MAD1L1: variants seen among roughly 807,000 people sequenced by gnomAD.
MAD1L1 encodes the protein mitotic spindle assembly checkpoint protein MAD1.
Under a neutral mutation model 96.9 loss-of-function variants are expected in MAD1L1, and 95 were observed. The observed-to-expected ratio is 0.98, with a 90% CI of 0.83 to 1.16. MAD1L1 has a LOEUF of 1.16. Among genes scored for constraint, MAD1L1 ranks in the 50% most tolerant of loss-of-function variants. The pLI, the probability that MAD1L1 is intolerant of heterozygous loss-of-function variation, is 0.00. For synonymous variants in MAD1L1, 473 were observed against 396.6 expected (o/e 1.19, Z -2.29); for missense variants, 1,007 against 954.4 (o/e 1.06, Z -0.73).
At chr7:1,994,586 T>C (rs770731989) in intron 14 of MAD1L1, among the ~76,000 whole-genome samples, 1 of 152,096 alleles carries the variant, frequency 6.6e-6, no homozygotes, top group Non-Finnish European at 1.5e-5. Flanking sequence ...ATGGACTGTG[T>C]GCTCCCGCTC....
chr7:1,836,653 T>C (rs184052579), intron 18 of MAD1L1, among the ~76,000 whole-genome samples: 211 of 152,306 alleles, frequency 1.4e-3, no homozygotes, highest in Middle Eastern at 3.4e-3. Context: ...AAATGATCTA[T>C]AGAGTCAGCG....
chr7:2,223,586 C>T (rs1001152411), intron 4 of MAD1L1: 2 of 152,300 alleles, frequency 1.3e-5, no homozygotes, highest in Non-Finnish European at 2.9e-5. Flanking sequence ...GCCCAAAACC[C>T]AGGAGAGCTG....
intron 18 of MAD1L1, among the ~76,000 whole-genome samples, chr7:1,825,882 G>A (rs1782362436): frequency 6.6e-6 from 1 of 151,732 alleles, no homozygotes. Flanking sequence ...GCCCTGGGAT[G>A]AGCACAGTCC....
At chr7:2,056,790 C>G (rs1380047689) in intron 12 of MAD1L1, among the ~76,000 whole-genome samples, 1 of 152,234 alleles carries the variant, frequency 6.6e-6, no homozygotes, top group Non-Finnish European at 1.5e-5. Flanking sequence ...ACACAAGCGG[C>G]CGATCGCGGA....
chr7:1,980,558 G>C lies in MAD1L1; in HGVS notation c.1417-17C>G, dbSNP rs200492017. The C allele has an allele frequency of 2.1e-5, 34 of 1,602,678 alleles. 1 individual carries two copies. The Middle Eastern group carries it at 6.6e-4, about 31-fold the overall frequency. ...CATCTCCAGCTAGGAGAAAGCAAAG[G>C]ATAGAGGGTCAGCAGACACGAGCGC... On this transcript the variant is annotated splice_polypyrimidine_tract_variant and intron_variant, in intron 14 of 18. Coordinates refer to ENST00000265854, the MANE Select transcript of MAD1L1 (RefSeq NM_001013836.2).
At chr7:2,049,700 C>T (rs372485617) in intron 12 of MAD1L1, among the ~76,000 whole-genome samples, 4 of 152,218 alleles carry the variant, frequency 2.6e-5, no homozygotes, top group Admixed American at 1.3e-4. Context: ...TGGCCAGACT[C>T]GCTTCATCAG....
intron 16 of MAD1L1, among the ~76,000 whole-genome samples, chr7:1,947,310 C>T (rs762870912): frequency 2.6e-5 from 4 of 152,232 alleles, no homozygotes; most frequent in Admixed American, 6.5e-5. Flanking sequence ...GCGCCTGTCC[C>T]CGTGTGCCTG....
intron 10 of MAD1L1, among the ~76,000 whole-genome samples, chr7:2,172,396 G>A (rs771746320): frequency 6.6e-6 from 1 of 151,994 alleles, no homozygotes; most frequent in Non-Finnish European, 1.5e-5. Context: ...TGCAGGCCTC[G>A]ACTCCACACA....
At chr7:2,077,412 G>A (rs989158361) in intron 11 of MAD1L1, among the ~76,000 whole-genome samples, 28 of 152,258 alleles carry the variant, frequency 1.8e-4, no homozygotes, top group African/African-American at 2.6e-4. Context: ...TGAAGCCACC[G>A]TGTCCCCCAG....
intron 18 of MAD1L1, among the ~76,000 whole-genome samples, chr7:1,844,648 G>A (rs1036481711): frequency 6.6e-6 from 1 of 152,162 alleles, no homozygotes; most frequent in African/African-American, 2.4e-5. Context: ...CCCCAAAGCT[G>A]GGGGGAGTCC....
intron 14 of MAD1L1, among the ~76,000 whole-genome samples, chr7:1,992,208 A>G: frequency 6.6e-6 from 1 of 150,752 alleles, no homozygotes; most frequent in Admixed American, 6.6e-5. Context: ...CACCTGCCCC[A>G]CCAGAGCGCC....
intron 18 of MAD1L1, among the ~76,000 whole-genome samples, chr7:1,883,749 T>C (rs7783715): frequency 0.57 from 87,221 of 152,046 alleles, 25,796 homozygotes; most frequent in South Asian, 0.71. Context: ...GGGCAGTCTG[T>C]GTGCCCCAGG....
At chr7:2,034,411 T>G (rs2128507909) in intron 12 of MAD1L1, among the ~76,000 whole-genome samples, 1 of 152,118 alleles carries the variant, frequency 6.6e-6, no homozygotes, top group East Asian at 1.9e-4. Context: ...GAGACGGGGT[T>G]TCACCGTGTT....
chr7:2,219,760 G>A (rs539049036), intron 5 of MAD1L1, among the ~76,000 whole-genome samples: 17 of 152,164 alleles, frequency 1.1e-4, no homozygotes, highest in African/African-American at 2.9e-4. Context: ...TCAGGCAGAC[G>A]CTCACACGCA....
intron 11 of MAD1L1, among the ~76,000 whole-genome samples, chr7:2,113,476 A>C (rs996323799): frequency 3.3e-5 from 5 of 152,204 alleles, no homozygotes; most frequent in Non-Finnish European, 7.3e-5. Context: ...GCTACTTGGG[A>C]GGCCGAGGCA....
intron 12 of MAD1L1, among the ~76,000 whole-genome samples, chr7:2,015,094 C>T (rs1239091471): frequency 6.6e-5 from 10 of 152,212 alleles, no homozygotes; most frequent in East Asian, 1.9e-4. Flanking sequence ...CCCAGGGAAA[C>T]GACAGTGGGC....
At chr7:2,063,369 G>A (rs1562651252) in intron 12 of MAD1L1, among the ~76,000 whole-genome samples, 1 of 152,202 alleles carries the variant, frequency 6.6e-6, no homozygotes, top group African/African-American at 2.4e-5. Context: ...CACCATCAGG[G>A]AAGATCAGGG....
intron 16 of MAD1L1, among the ~76,000 whole-genome samples, chr7:1,938,747 C>T (rs1428552636): frequency 2.5e-5 from 3 of 119,630 alleles, no homozygotes; most frequent in Non-Finnish European, 5.4e-5. Flanking sequence ...GGCGCGCACG[C>T]ACACACACAC....
At chr7:2,107,285 C>T in intron 11 of MAD1L1, 1 of 152,506 alleles carries the variant, frequency 6.6e-6, no homozygotes, top group African/African-American at 2.4e-5. Flanking sequence ...CCAGAGGCTG[C>T]AGCCCAAGCC....
Sources: allele counts gnomAD v4.1 joint callset (sites outside exome capture counted in the v4.1 genomes callset), GRCh38; gene constraint gnomAD v4.1.1; transcripts MANE v1.5; gene names NCBI Gene and HGNC (gene_info 2026-07-23, HGNC 2026-07-21).